The following RB1 variants were observed in gnomAD, a reference collection of about 807,000 sequenced individuals.
The protein encoded by RB1 is RB transcriptional corepressor 1.
Under a neutral mutation model 135.4 loss-of-function variants are expected in RB1, and 18 were observed. The ratio of observed to expected loss-of-function variants is 0.13; its 90% CI spans 0.09 to 0.20. RB1 has a LOEUF of 0.20. Among genes scored for constraint, RB1 ranks in the 10% least tolerant of loss-of-function variants. The pLI is 1.00. For missense variants in RB1, 868 were observed against 1,110.0 expected, an observed-to-expected ratio of 0.78 and a Z score of 3.10; for synonymous variants, 365 against 373.2, an observed-to-expected ratio of 0.98 and a Z score of 0.25.
chr13:48,381,275 A>G lies in RB1; in HGVS notation c.1527A>G (p.Gly509=), dbSNP rs1948533245. 1.9e-6 allele frequency: 3 copies of G among 1,611,132 alleles called. No individual in the cohort carries two copies. The African/African-American group carries it at 4.0e-5, about 22-fold the overall frequency. ...GTACATCTCAGAATCTTGATTCTGG[A>G]ACAGATTTGTCTTTCCCATGGATTC... ...SRSTSQNLDS[G]TDLSFPWILN... is the part of the protein sequence containing the mutation. Residue 509 remains glycine (G), a synonymous_variant, in exon 17 of 27, where the codon GGA becomes GGG. Coordinates refer to ENST00000267163, the MANE Select transcript of RB1 (RefSeq NM_000321.3).
chr13:48,340,219 G>C (rs1255959593), intron 2 of RB1, among the ~76,000 whole-genome samples: 1 of 151,900 alleles, frequency 6.6e-6, no homozygotes, highest in Non-Finnish European at 1.5e-5. Flanking sequence ...GCTTGGGTTA[G>C]GCAAAGATTT....
At chr13:48,397,776 A>G (rs1482689664) in intron 17 of RB1, among the ~76,000 whole-genome samples, 2 of 152,200 alleles carry the variant, frequency 1.3e-5, no homozygotes, top group African/African-American at 4.8e-5. Flanking sequence ...TGACAAACTT[A>G]TAAACAAAAT....
intron 2 of RB1, chr13:48,320,254 C>A: frequency 8.6e-7 from 1 of 1,160,662 alleles, no homozygotes; most frequent in South Asian, 1.4e-5. Flanking sequence ...GGCGTCTGCC[C>A]TGTGGCCCCT....
Position 48,391,296 on chromosome 13 carries a change from A to C in RB1, c.1695+9853A>C, listed in dbSNP as rs944754305. On this transcript the variant is annotated intron_variant, in intron 17 of 26. Coordinates refer to ENST00000267163, the MANE Select transcript of RB1 (RefSeq NM_000321.3). ...CATACATTTTGCTTCGACAGAAGTTATAAGCTCTACAATACACTCATAACT... is the reference window on the plus strand; with the variant it reads ...CATACATTTTGCTTCGACAGAAGTTCTAAGCTCTACAATACACTCATAACT... 4 of 152,208 alleles carry C rather than the reference A, an allele frequency of 2.6e-5. No individual in the cohort carries two copies. The East Asian group carries it at 7.7e-4, about 29-fold the overall frequency. 9.4% of individuals were successfully genotyped at this position (152,208 alleles called of 1,614,324 possible).
At chr13:48,402,308 T>C (rs1032534015) in intron 17 of RB1, among the ~76,000 whole-genome samples, 2 of 151,496 alleles carry the variant, frequency 1.3e-5, no homozygotes, top group African/African-American at 4.8e-5. Context: ...GTTTGCACAT[T>C]TCAGTTCCAA....
intron 17 of RB1, among the ~76,000 whole-genome samples, chr13:48,401,086 G>A (rs1212527431): frequency 6.6e-6 from 1 of 152,108 alleles, no homozygotes. Flanking sequence ...TATGAATCAT[G>A]TCAGTAATTA....
intron 2 of RB1, chr13:48,316,908 C>A: frequency 2.8e-6 from 1 of 361,376 alleles, no homozygotes. Flanking sequence ...CGGAGTGTCG[C>A]TGAAGTCACT....
chr13:48,403,858 A>T (rs1196037861), intron 17 of RB1, among the ~76,000 whole-genome samples: 1 of 152,068 alleles, frequency 6.6e-6, no homozygotes, highest in African/African-American at 2.4e-5. Flanking sequence ...AGCCTATGAG[A>T]ATAAAAAAAA....
At chr13:48,435,674 T>A (rs971285918) in intron 17 of RB1, among the ~76,000 whole-genome samples, 3 of 152,194 alleles carry the variant, frequency 2.0e-5, no homozygotes, top group African/African-American at 7.2e-5. Flanking sequence ...TAAAAAATTA[T>A]AGTTTCACAT....
At chr13:48,464,575 G>A (rs567058208) in intron 21 of RB1, among the ~76,000 whole-genome samples, 2 of 152,176 alleles carry the variant, frequency 1.3e-5, no homozygotes, top group Non-Finnish European at 2.9e-5. Context: ...GATTGGGGGG[G>A]ATACCGGGAG....
chr13:48,314,463 A>G (rs774404871), intron 2 of RB1, among the ~76,000 whole-genome samples: 6 of 152,048 alleles, frequency 3.9e-5, no homozygotes, highest in African/African-American at 1.2e-4. Context: ...TGGCTTATTC[A>G]TTGTAGGTGG....
intron 2 of RB1, chr13:48,318,449 G>A: frequency 7.0e-7 from 1 of 1,431,916 alleles, no homozygotes; most frequent in Non-Finnish European, 9.6e-7. Flanking sequence ...TGTCTTCGGA[G>A]CTCTCCTTCT....
chr13:48,466,096 C>G (rs1020167013), intron 23 of RB1, among the ~76,000 whole-genome samples: 6 of 150,680 alleles, frequency 4.0e-5, no homozygotes, highest in African/African-American at 1.2e-4. Flanking sequence ...GGCTCCACCT[C>G]TGGGGGCAGG....
At chr13:48,457,414 C>T (rs550161852) in intron 19 of RB1, among the ~76,000 whole-genome samples, 2 of 152,316 alleles carry the variant, frequency 1.3e-5, no homozygotes, top group African/African-American at 4.8e-5. Context: ...GAGACTCGGG[C>T]TTCTGTGGGC....
chr13:48,455,651 AACG>A (rs1385392865), intron 18 of RB1, among the ~76,000 whole-genome samples: 6 of 152,246 alleles, frequency 3.9e-5, no homozygotes, highest in Non-Finnish European at 7.3e-5. Flanking sequence ...GGCAGCACAG[AACG>A]ATAATATTTG....
chr13:48,355,748 A>G lies in RB1; in HGVS notation c.608-4269A>G, dbSNP rs183655878. Among the ~76,000 whole-genome samples the G allele has an allele frequency of 3.3e-5, 5 of 152,258 alleles. No homozygotes were observed. The East Asian group carries it at 9.6e-4, about 29-fold the overall frequency. On this transcript the variant is annotated intron_variant, in intron 6 of 26. Transcript: ENST00000267163. ...GAGTACTATTCAGCCATAAAAAAGA[A>G]CAAGGTCTAGTCATTTGCGACAACA... is the stretch of plus-strand genomic sequence containing the variant.
chr13:48,421,635 G>C (rs1371799905), intron 17 of RB1, among the ~76,000 whole-genome samples: 1 of 152,052 alleles, frequency 6.6e-6, no homozygotes, highest in East Asian at 1.9e-4. Flanking sequence ...AAGGGCTAAA[G>C]TCCAGAATCT....
At chr13:48,316,907 G>A (rs2138048401) in intron 2 of RB1, 3 of 359,732 alleles carry the variant, frequency 8.3e-6, no homozygotes, top group Non-Finnish European at 1.6e-5. Flanking sequence ...GCGGAGTGTC[G>A]CTGAAGTCAC....
At chr13:48,321,298 A>G (rs1247391458) in intron 2 of RB1, among the ~76,000 whole-genome samples, 2 of 144,196 alleles carry the variant, frequency 1.4e-5, no homozygotes, top group Admixed American at 1.4e-4. Flanking sequence ...TTTTCTTTCT[A>G]TGTCTGCTTA....
Sources: allele counts gnomAD v4.1 joint callset (sites outside exome capture counted in the v4.1 genomes callset), GRCh38; gene constraint gnomAD v4.1.1; transcripts MANE v1.5; gene names NCBI Gene and HGNC (gene_info 2026-07-23, HGNC 2026-07-21).